The following RABL6 variants were observed in gnomAD, a reference collection of about 807,000 sequenced individuals.
RABL6 encodes rab-like protein 6.
In RABL6, 28 loss-of-function variants were observed where a neutral mutation model predicts 72.9. That is an observed-to-expected ratio of 0.38 (90% CI 0.28 to 0.53). The LOEUF (loss-of-function observed/expected upper bound fraction) is 0.53, where lower values mean the gene tolerates loss of function less well. Among genes scored for constraint, RABL6 ranks in the 20% least tolerant of loss-of-function variants. The pLI, the probability that RABL6 is intolerant of heterozygous loss-of-function variation, is 0.80. For synonymous variants in RABL6, 477 were observed against 421.2 expected, an observed-to-expected ratio of 1.13 and a Z score of -1.62; for missense variants, 1,029 against 1,008.4, an observed-to-expected ratio of 1.02 and a Z score of -0.28.
At chr9:136,818,846 C>T (rs1848180353) in intron 1 of RABL6, among the ~76,000 whole-genome samples, 2 of 152,070 alleles carry the variant, frequency 1.3e-5, no homozygotes, top group Admixed American at 1.3e-4. Context: ...AGAAGTAACA[C>T]AGCCCAGGGT....
intron 2 of RABL6, among the ~76,000 whole-genome samples, chr9:136,825,512 C>T (rs1283233647): frequency 6.7e-6 from 1 of 148,458 alleles, no homozygotes; most frequent in African/African-American, 2.6e-5. Flanking sequence ...AGGATCGGGG[C>T]CCGGGAGGGA....
In RABL6 at chr9:136,839,734, A is replaced by G; in HGVS notation, c.1799A>G (p.Asp600Gly). The G allele has an allele frequency of 1.2e-6, 2 of 1,608,248 alleles. No individual in the cohort carries two copies. The highest frequency in any genetic ancestry group is 1.7e-6 in the Non-Finnish European group (2 of 1,176,914). Residue 600 changes from aspartate (D) to glycine (G), a missense_variant, in exon 13 of 15, where the codon GAC becomes GGC. By Grantham distance (94) the Asp-to-Gly change is moderately conservative. Coordinates refer to ENST00000311502, the MANE Select transcript of RABL6 (RefSeq NM_024718.5). The part of the protein sequence containing the change: ...PVRDDPSDVT[D>G]EDEGPAEPPP... Reference sequence around the variant, plus strand: ...CGAGATGACCCCTCCGATGTGACTGACGAGGATGAGGGCCCTGCCGAGCCG... The same window carrying G: ...CGAGATGACCCCTCCGATGTGACTGGCGAGGATGAGGGCCCTGCCGAGCCG...
intron 1 of RABL6, chr9:136,813,175 A>G (rs761675761): frequency 2.1e-6 from 1 of 481,026 alleles, no homozygotes; most frequent in Non-Finnish European, 3.9e-6. Flanking sequence ...GGCTCCTGGC[A>G]TCAGGTGGTC....
In RABL6 at chr9:136,826,352, G is replaced by A. The variant is rs901778250; in HGVS notation, c.313+526G>A. 6.6e-6 allele frequency among the ~76,000 whole-genome samples: 1 copy of A among 152,308 alleles called. No homozygotes were observed. Among genetic ancestry groups the A allele is most frequent in the East Asian group, 1.9e-4 (1 of 5,178 alleles). On this transcript the variant is annotated intron_variant, in intron 3 of 14. Coordinates refer to ENST00000311502, the MANE Select transcript of RABL6 (RefSeq NM_024718.5). The surrounding 1 kb of genome is among the most constrained non-coding windows in gnomAD (Gnocchi z 4.9). ...GGTCATGAGTTCCTCTAAGTCCTCA[G>A]GGTGGAGCTCATGGCCCTCCCCGGG... is the stretch of plus-strand genomic sequence containing the variant.
At chr9:136,815,085 C>T in intron 1 of RABL6, 1 of 220,426 alleles carries the variant, frequency 4.5e-6, no homozygotes, top group Middle Eastern at 6.1e-4. Context: ...TCCTCGTCCT[C>T]ATCCCCTGAG....
In RABL6 at chr9:136,837,441, T is replaced by C. The variant is rs768344810; in HGVS notation, c.905T>C (p.Val302Ala). The C allele has an allele frequency of 1.5e-5, 24 of 1,573,600 alleles. No individual in the cohort carries two copies. Among genetic ancestry groups the C allele is most frequent in the Non-Finnish European group, 2.0e-5 (23 of 1,161,902 alleles). Residue 302 changes from valine (V) to alanine (A), a missense_variant, in exon 9 of 15, where the codon GTG (valine) becomes GCG (alanine). Physicochemically the swap from Val to Ala is moderately conservative, Grantham distance 64 (BLOSUM62 0). Around this residue, in one of 2 missense-constraint regions of RABL6, gnomAD observed 434 missense variants for 536.1 expected, o/e 0.81. Transcript: ENST00000311502. ...TCCCCGGGCTCCCAGTCACCAGTGGTGCCTGCAGGCGCTGTGTCCACGGGG... is the reference window on the plus strand; with the variant it reads ...TCCCCGGGCTCCCAGTCACCAGTGGCGCCTGCAGGCGCTGTGTCCACGGGG... ...SPSPGSQSPV[V>A]PAGAVSTGSS...
At chr9:136,818,574 T>C (rs1848174590) in intron 1 of RABL6, among the ~76,000 whole-genome samples, 1 of 151,444 alleles carries the variant, frequency 6.6e-6, no homozygotes, top group Non-Finnish European at 1.5e-5. Context: ...AGACCCCATC[T>C]CTACTAAAAA....
intron 8 of RABL6, chr9:136,837,134 T>C: frequency 2.9e-6 from 2 of 700,486 alleles, no homozygotes; most frequent in Non-Finnish European, 5.3e-6. Flanking sequence ...CTTGGCCTCC[T>C]ACAGTGCTGG....
intron 2 of RABL6, among the ~76,000 whole-genome samples, chr9:136,824,317 T>C (rs1848304911): frequency 7.0e-6 from 1 of 143,376 alleles, no homozygotes. Context: ...TGTTTTTTGG[T>C]TTGGTTGGGT....
rs1274619789 is a variant in RABL6 at position 136,840,763 on chromosome 9, G to A, written c.*241G>A. 7 of 1,548,126 alleles carry A rather than the reference G, an allele frequency of 4.5e-6. No individual in the cohort carries two copies. The highest frequency in any genetic ancestry group is 3.9e-5 in the Admixed American group (2 of 50,978). On this transcript the variant is annotated 3_prime_UTR_variant, in exon 15 of 15. Coordinates refer to ENST00000311502, the MANE Select transcript of RABL6 (RefSeq NM_024718.5). Reference sequence around the variant, plus strand: ...CAGCTGGCTTCAGCCAGGCTCGGTGGACACCCTGGCCCTCTCGGGGCAGAG... The same window carrying A: ...CAGCTGGCTTCAGCCAGGCTCGGTGAACACCCTGGCCCTCTCGGGGCAGAG...
intron 1 of RABL6, among the ~76,000 whole-genome samples, chr9:136,812,327 A>T (rs1261828488): frequency 1.3e-4 from 20 of 152,152 alleles, no homozygotes; most frequent in Admixed American, 1.3e-3. Context: ...TGGGAGGCTG[A>T]GGTGGGCGGA....
chr9:136,819,494 G>A (rs527726890), intron 1 of RABL6, among the ~76,000 whole-genome samples: 1 of 152,216 alleles, frequency 6.6e-6, no homozygotes, highest in East Asian at 1.9e-4. Context: ...TGAGATTCGA[G>A]GAATTTTTTT....
chr9:136,837,753 TC>T (rs553947556), intron 9 of RABL6, 91 bp downstream of exon 9: 12 of 1,543,632 alleles, frequency 7.8e-6, no homozygotes, highest in Non-Finnish European at 1.0e-5. Flanking sequence ...CCACGCTTCT[TC>T]CTGCTTGTCC....
At position 136,808,247 on chromosome 9, in the gene RABL6, G is replaced by A. The variant is rs1391112130; in HGVS notation, c.51G>A (p.Arg17=). The A allele has an allele frequency of 1.3e-6, 2 of 1,565,328 alleles. No individual in the cohort carries two copies. Among genetic ancestry groups the A allele is most frequent in the South Asian group, 1.2e-5 (1 of 86,150 alleles). Residue 17 remains arginine, a synonymous_variant, in exon 1 of 15, where the codon CGG becomes CGA. Transcript: ENST00000311502. Reference sequence around the variant, plus strand: ...TGGGGTCGGACCAGGCCCCGGGCCGGGACAAGAACATCCCCGCCGGGCTGC... The same window carrying A: ...TGGGGTCGGACCAGGCCCCGGGCCGAGACAAGAACATCCCCGCCGGGCTGC... The part of the protein sequence containing the change: ...KLVGSDQAPG[R]DKNIPAGLQS...
At chr9:136,834,913 T>C (rs1244557009) in intron 7 of RABL6, among the ~76,000 whole-genome samples, 2 of 119,364 alleles carry the variant, frequency 1.7e-5, no homozygotes, top group Non-Finnish European at 3.3e-5. Flanking sequence ...CAATATAATA[T>C]AGCATGACCC....
Position 136,823,567 on chromosome 9 carries a change from C to A in RABL6, c.173C>A (p.Ala58Glu). Residue 58 changes from alanine (A) to glutamate (E), a missense_variant, in exon 2 of 15, where the codon GCG becomes GAG. Ala to Glu is a moderately radical substitution (Grantham distance 107). This residue lies in a region of RABL6 where 434 missense variants were observed against 536.1 expected (regional missense o/e 0.81). Transcript: ENST00000311502. The part of the protein sequence containing the change: ...IRGDRNTGKT[A>E]LWHRLQGRPF... ...GGAGACAGGAACACGGGCAAGACAG[C>A]GCTGTGGCACCGCCTGCAGGGCCGG... is the stretch of plus-strand genomic sequence containing the variant. 1.2e-6 allele frequency: 2 copies of A among 1,613,842 alleles called. No homozygotes were observed. Among genetic ancestry groups the A allele is most frequent in the Non-Finnish European group, 1.7e-6 (2 of 1,179,870 alleles).
chr9:136,815,937 A>C (rs1848111368), intron 1 of RABL6, among the ~76,000 whole-genome samples: 1 of 152,216 alleles, frequency 6.6e-6, no homozygotes, highest in African/African-American at 2.4e-5. Context: ...CAGGTTTACC[A>C]TGAGGTTAAG....
At chr9:136,831,371 G>A (rs559530857) in intron 5 of RABL6, among the ~76,000 whole-genome samples, 133 of 152,328 alleles carry the variant, frequency 8.7e-4, no homozygotes, top group Middle Eastern at 6.8e-3. Flanking sequence ...GGGCACAGAG[G>A]ACAGTGCGGA....
At chr9:136,817,685 T>C (rs1848149129) in intron 1 of RABL6, among the ~76,000 whole-genome samples, 1 of 152,176 alleles carries the variant, frequency 6.6e-6, no homozygotes, top group African/African-American at 2.4e-5. Flanking sequence ...TGAGGCTCAC[T>C]GTGCAAAGGC....
Sources: gnomAD v4.1 joint callset for allele counts (sites outside exome capture counted in the v4.1 genomes callset) on GRCh38, gnomAD v4.1.1 for gene constraint, gnomAD v4.1.1 regional missense constraint, Gnocchi (gnomAD v3.1) non-coding constraint, MANE v1.5 for transcripts, NCBI Gene and HGNC (gene_info 2026-07-23, HGNC 2026-07-21) for gene names.